Variants in PDZRN3 observed in about 807,000 individuals in gnomAD.
PDZRN3 encodes PDZ domain containing ring finger 3.
Under a neutral mutation model 85.7 loss-of-function variants are expected in PDZRN3, and 38 were observed. That is an observed-to-expected ratio of 0.44 (90% CI 0.34 to 0.58). The LOEUF (loss-of-function observed/expected upper bound fraction) is 0.58, where lower values mean the gene tolerates loss of function less well. PDZRN3 is among the 20% of genes least tolerant of loss of function. The pLI is 0.01. For synonymous variants in PDZRN3, 759 were observed against 638.0 expected (o/e 1.19, Z -2.86); for missense variants, 1,629 against 1,506.4 (o/e 1.08, Z -1.35).
At chr3:73,443,185 A>G (rs1218557196) in intron 3 of PDZRN3, among the ~76,000 whole-genome samples, 2 of 152,124 alleles carry the variant, frequency 1.3e-5, no homozygotes, top group Non-Finnish European at 2.9e-5. Flanking sequence ...TGAGCCAGAC[A>G]CTGTTGTTTA....
intron 3 of PDZRN3, among the ~76,000 whole-genome samples, chr3:73,599,206 T>C (rs535358833): frequency 1.3e-5 from 2 of 152,218 alleles, no homozygotes; most frequent in Non-Finnish European, 2.9e-5. Context: ...CAAGTGTCCA[T>C]CACTGGGTGA....
At chr3:73,415,350 G>C (rs1702054976) in intron 3 of PDZRN3, among the ~76,000 whole-genome samples, 1 of 152,218 alleles carries the variant, frequency 6.6e-6, no homozygotes, top group Non-Finnish European at 1.5e-5. Flanking sequence ...CACGTGAGTG[G>C]GGTGCAGACT....
chr3:73,390,895 G>A (rs967842215), intron 6 of PDZRN3, 123 bp downstream of exon 6: 11 of 672,832 alleles, frequency 1.6e-5, no homozygotes, highest in Non-Finnish European at 2.9e-5. Flanking sequence ...TGATGAGGGG[G>A]ACAGAATAAT....
chr3:73,558,811 C>G (rs1332928980), intron 3 of PDZRN3, among the ~76,000 whole-genome samples: 1 of 152,222 alleles, frequency 6.6e-6, no homozygotes, highest in African/African-American at 2.4e-5. Context: ...TAATCATGGA[C>G]TCTCTTAAGC....
At chr3:73,503,133 A>C (rs1704012862) in intron 3 of PDZRN3, among the ~76,000 whole-genome samples, 1 of 152,224 alleles carries the variant, frequency 6.6e-6, no homozygotes, top group South Asian at 2.1e-4. Flanking sequence ...TTTTACTAAC[A>C]TAAAATGTCA....
intron 3 of PDZRN3, among the ~76,000 whole-genome samples, chr3:73,562,706 A>G (rs1701846442): frequency 6.6e-6 from 1 of 151,966 alleles, no homozygotes; most frequent in Admixed American, 6.6e-5. Context: ...TCAAAGCCCG[A>G]ATAGAGAGCA....
intron 3 of PDZRN3, among the ~76,000 whole-genome samples, chr3:73,548,716 A>G (rs1237138260): frequency 6.6e-6 from 1 of 152,224 alleles, no homozygotes; most frequent in Non-Finnish European, 1.5e-5. Context: ...ATCACTCAAC[A>G]CCTGTTTTAG....
At chr3:73,514,273 A>G (rs1388858064) in intron 3 of PDZRN3, among the ~76,000 whole-genome samples, 3 of 152,238 alleles carry the variant, frequency 2.0e-5, no homozygotes, top group Non-Finnish European at 2.9e-5. Flanking sequence ...AACATGTGAG[A>G]TGACCCTAAA....
chr3:73,439,719 T>C (rs7619142), intron 3 of PDZRN3, among the ~76,000 whole-genome samples: 2,109 of 150,662 alleles, frequency 0.014, 44 homozygotes, highest in African/African-American at 0.045. Flanking sequence ...AACATCTGCT[T>C]AGGCCCTCAT....
intron 6 of PDZRN3, 90 bp from the exon 7 acceptor site, chr3:73,389,968 A>T (rs930535693): frequency 1.1e-6 from 1 of 911,998 alleles, no homozygotes; most frequent in Non-Finnish European, 1.8e-6. Context: ...AAACACAGTC[A>T]TGCTCACCCC....
chr3:73,389,717 T>C (rs1323506200), intron 7 of PDZRN3, 99 bp downstream of exon 7: 1 of 869,240 alleles, frequency 1.2e-6, no homozygotes. Flanking sequence ...CCCTGTTCTT[T>C]AACCGCTTCT....
intron 5 of PDZRN3, among the ~76,000 whole-genome samples, chr3:73,391,517 C>T (rs189274921): frequency 2.6e-5 from 4 of 152,296 alleles, no homozygotes; most frequent in Non-Finnish European, 4.4e-5. Context: ...TAGATTATTT[C>T]ACATTGCGTT....
At chr3:73,583,526 C>T (rs779002509) in intron 3 of PDZRN3, among the ~76,000 whole-genome samples, 2 of 152,178 alleles carry the variant, frequency 1.3e-5, no homozygotes, top group Non-Finnish European at 2.9e-5. Flanking sequence ...TGATATTCTG[C>T]ACCCTCCTCC....
intron 1 of PDZRN3, among the ~76,000 whole-genome samples, chr3:73,619,831 G>C (rs952048538): frequency 6.6e-6 from 1 of 152,220 alleles, no homozygotes; most frequent in Non-Finnish European, 1.5e-5. Context: ...ACATTTATAA[G>C]AGATTAATTC....
chr3:73,532,653 A>G (rs1704685380), intron 3 of PDZRN3, among the ~76,000 whole-genome samples: 1 of 152,232 alleles, frequency 6.6e-6, no homozygotes, highest in Admixed American at 6.5e-5. Context: ...CATGACTTTA[A>G]GATCTACCTG....
intron 5 of PDZRN3, among the ~76,000 whole-genome samples, chr3:73,400,403 G>C (rs867140020): frequency 6.6e-6 from 1 of 152,118 alleles, no homozygotes. Context: ...ATTCCTGTGT[G>C]GCCTCAAATA....
Position 73,485,904 on chromosome 3 carries a change from T to C in PDZRN3, c.919-81509A>G, listed in dbSNP as rs546808553. Among the ~76,000 whole-genome samples, 92 of 152,352 alleles carry C rather than the reference T, an allele frequency of 6.0e-4. 1 individual carries two copies. The highest frequency in any genetic ancestry group is 2.2e-3 in the African/African-American group (90 of 41,594). On this transcript the variant is annotated intron_variant, in intron 3 of 9. Coordinates refer to ENST00000263666, the MANE Select transcript of PDZRN3 (RefSeq NM_015009.3). ...CTAATTACAACCAAAAGGCAGTCCATATAGCATCTCTATCAAGTAATTAAC... is the reference window on the plus strand; with the variant it reads ...CTAATTACAACCAAAAGGCAGTCCACATAGCATCTCTATCAAGTAATTAAC...
intron 3 of PDZRN3, chr3:73,433,702 T>C (rs1020133257): frequency 2.1e-5 from 33 of 1,535,950 alleles, no homozygotes; most frequent in African/African-American, 2.7e-5. Context: ...ACAGACTGCA[T>C]CCCATGTTTA....
Position 73,624,772 on chromosome 3 carries a change from G to A in PDZRN3, c.54C>T (p.Cys18=). 2 of 1,474,214 alleles carry A rather than the reference G, an allele frequency of 1.4e-6. No individual in the cohort carries two copies. The highest frequency in any genetic ancestry group is 1.8e-6 in the Non-Finnish European group (2 of 1,118,896). The allele number at this position is 1,474,214 out of a possible 1,614,324, so 91.3% of individuals were successfully genotyped here. Residue 18 remains cysteine (C), a synonymous_variant, in exon 1 of 10, where the codon TGC becomes TGT. Transcript: ENST00000263666. ...FDGDVDPDLK[C]ALCHKVLEDP... Reference sequence around the variant, plus strand: ...CCTCCAGGACCTTGTGGCACAGCGCGCACTTCAGGTCCGGGTCCACGTCGC... The same window carrying A: ...CCTCCAGGACCTTGTGGCACAGCGCACACTTCAGGTCCGGGTCCACGTCGC...
Sources: gnomAD v4.1 joint callset for allele counts (sites outside exome capture counted in the v4.1 genomes callset) on GRCh38, gnomAD v4.1.1 for gene constraint, MANE v1.5 for transcripts, NCBI Gene and HGNC (gene_info 2026-07-23, HGNC 2026-07-21) for gene names.